The following XKR6 variants were observed in gnomAD, a reference collection of about 807,000 sequenced individuals.
XKR6 encodes XK-related protein 6.
A neutral mutation model predicts 56.7 loss-of-function variants in XKR6; 22 were observed. The ratio of observed to expected loss-of-function variants is 0.39; its 90% confidence interval spans 0.28 to 0.55. The LOEUF is 0.55. XKR6 is among the 20% of genes least tolerant of loss of function. The pLI, the probability that XKR6 is intolerant of heterozygous loss-of-function variation, is 0.66. For missense variants in XKR6, 852 were observed against 889.0 expected (o/e 0.96, Z 0.53); for synonymous variants, 524 against 387.8 (o/e 1.35, Z -4.13).
At chr8:11,155,911 G>A (rs79099060) in intron 1 of XKR6, among the ~76,000 whole-genome samples, 9 of 152,270 alleles carry the variant, frequency 5.9e-5, no homozygotes, top group Non-Finnish European at 1.2e-4. Context: ...TTTAGATCAT[G>A]TCCTCCTTCT....
intron 1 of XKR6, among the ~76,000 whole-genome samples, chr8:11,077,777 C>T (rs570045606): frequency 6.6e-6 from 1 of 152,306 alleles, no homozygotes; most frequent in Admixed American, 6.5e-5. Context: ...AGTTTCTGGT[C>T]CCCATGGCAA....
At chr8:11,106,505 G>C (rs1484813410) in intron 1 of XKR6, 1 of 152,308 alleles carries the variant, frequency 6.6e-6, no homozygotes, top group African/African-American at 2.4e-5. Flanking sequence ...GCATGAAGCA[G>C]ATGTCCAGTG....
At chr8:10,926,805 C>A (rs971893705) in intron 1 of XKR6, among the ~76,000 whole-genome samples, 1 of 152,238 alleles carries the variant, frequency 6.6e-6, no homozygotes, top group South Asian at 2.1e-4. Context: ...TTGCTCTGGG[C>A]CCCTGCCCGT....
At chr8:10,908,209 T>C (rs1800237441) in intron 2 of XKR6, among the ~76,000 whole-genome samples, 1 of 152,154 alleles carries the variant, frequency 6.6e-6, no homozygotes, top group South Asian at 2.1e-4. Flanking sequence ...ACAGGGACCC[T>C]TGACTCACAT....
chr8:11,129,249 G>T (rs1799983402), intron 1 of XKR6, among the ~76,000 whole-genome samples: 1 of 152,126 alleles, frequency 6.6e-6, no homozygotes, highest in Non-Finnish European at 1.5e-5. Context: ...ATGGTTAATT[G>T]TATGTTATGT....
chr8:10,902,498 TC>T (rs1800064868), intron 2 of XKR6, among the ~76,000 whole-genome samples: 1 of 152,122 alleles, frequency 6.6e-6, no homozygotes, highest in African/African-American at 2.4e-5. Flanking sequence ...CCACTCTCCA[TC>T]CTTTCTCCGT....
intron 1 of XKR6, among the ~76,000 whole-genome samples, chr8:11,152,708 C>G (rs1801327115): frequency 6.6e-6 from 1 of 152,194 alleles, no homozygotes; most frequent in Non-Finnish European, 1.5e-5. Context: ...ACCCAGAGAA[C>G]TAAAGCGCCA....
At chr8:11,178,547 A>AATATATATAT (rs373879147) in intron 1 of XKR6, among the ~76,000 whole-genome samples, 3 of 88,500 alleles carry the variant, frequency 3.4e-5, no homozygotes, top group Admixed American at 1.1e-4. Context: ...GAGAGGTAAA[A>AATATATATAT]ATATATATAT....
Position 11,148,323 on chromosome 8 carries a change from A to G in XKR6, c.764+52253T>C, listed in dbSNP as rs183807059. On this transcript the variant is annotated intron_variant, in intron 1 of 2. Coordinates refer to ENST00000416569, the MANE Select transcript of XKR6 (RefSeq NM_173683.4). ...ATAGGAAATTTGGACACAGAAAGTG[A>G]CACGGGATGTGCATGCTCAGAGCAA... Among the ~76,000 whole-genome samples, 12 of 152,368 alleles carry G rather than the reference A, an allele frequency of 7.9e-5. No individual in the cohort carries two copies. In the East Asian group the frequency reaches 1.9e-3, roughly 24 times the overall value.
At chr8:11,016,390 G>T (rs576192719) in intron 1 of XKR6, among the ~76,000 whole-genome samples, 1 of 152,192 alleles carries the variant, frequency 6.6e-6, no homozygotes, top group Non-Finnish European at 1.5e-5. Flanking sequence ...GGGACGCCGG[G>T]GACTCGGGGT....
At chr8:11,050,429 G>A (rs975485262) in intron 1 of XKR6, among the ~76,000 whole-genome samples, 8 of 151,952 alleles carry the variant, frequency 5.3e-5, no homozygotes, top group African/African-American at 1.7e-4. Context: ...TTCCAGCTCC[G>A]ACAGTCTACA....
At chr8:10,948,216 A>G (rs2129126051) in intron 1 of XKR6, among the ~76,000 whole-genome samples, 1 of 152,258 alleles carries the variant, frequency 6.6e-6, no homozygotes, top group Non-Finnish European at 1.5e-5. Context: ...AAGCTTTCCC[A>G]AAGTCACACA....
intron 1 of XKR6, among the ~76,000 whole-genome samples, chr8:11,045,075 CTTTTTTTTTTTTTTTTT>C (rs5889356): frequency 2.8e-4 from 10 of 36,000 alleles, no homozygotes; most frequent in Admixed American, 1.0e-3. Context: ...TCAAATCACT[CTTTTTTTTTTTTTTTTT>C]TTTTTTTTTT....
At chr8:11,051,547 C>A (rs936429583) in intron 1 of XKR6, among the ~76,000 whole-genome samples, 6 of 152,038 alleles carry the variant, frequency 3.9e-5, no homozygotes, top group African/African-American at 1.4e-4. Flanking sequence ...TTGCTCAAGC[C>A]AAAAAAATAA....
At chr8:10,911,883 GTA>G (rs914054888) in intron 2 of XKR6, among the ~76,000 whole-genome samples, 1 of 149,680 alleles carries the variant, frequency 6.7e-6, no homozygotes, top group African/African-American at 2.5e-5. Context: ...TAGAAGGTGT[GTA>G]TATATATAGA....
intron 1 of XKR6, among the ~76,000 whole-genome samples, chr8:11,115,800 T>A (rs923550260): frequency 2.0e-5 from 3 of 152,204 alleles, no homozygotes; most frequent in Admixed American, 2.0e-4. Flanking sequence ...CACAAAAAAA[T>A]CTGCAACCTC....
At chr8:11,004,606 A>T (rs182848727) in intron 1 of XKR6, among the ~76,000 whole-genome samples, 21 of 152,370 alleles carry the variant, frequency 1.4e-4, no homozygotes, top group African/African-American at 5.0e-4. Flanking sequence ...GAGCTGGTTA[A>T]ACAAAACTTG....
intron 1 of XKR6, among the ~76,000 whole-genome samples, chr8:11,067,473 G>T (rs1290098590): frequency 6.6e-6 from 1 of 152,198 alleles, no homozygotes; most frequent in East Asian, 1.9e-4. Flanking sequence ...GAGCCTTAAC[G>T]TTCTAGGATT....
intron 1 of XKR6, among the ~76,000 whole-genome samples, chr8:11,016,792 C>T (rs1433510598): frequency 6.6e-6 from 1 of 152,238 alleles, no homozygotes; most frequent in African/African-American, 2.4e-5. Flanking sequence ...TGCTCCCCCA[C>T]CACTCTTCTC....
Sources: allele counts gnomAD v4.1 joint callset (sites outside exome capture counted in the v4.1 genomes callset), GRCh38; gene constraint gnomAD v4.1.1; transcripts MANE v1.5; gene names NCBI Gene and HGNC (gene_info 2026-07-23, HGNC 2026-07-21).